GUCY1A2: variants seen among roughly 807,000 people sequenced by gnomAD.
GUCY1A2 encodes guanylate cyclase soluble subunit alpha-2.
GUCY1A2 carries 27 observed loss-of-function variants against 63.5 expected under a neutral mutation model. That is an observed-to-expected ratio of 0.43 (90% confidence interval 0.31 to 0.59). GUCY1A2 has a LOEUF of 0.59. GUCY1A2 is among the 20% of genes least tolerant of loss of function. GUCY1A2 has a pLI of 0.11. For synonymous variants in GUCY1A2, 364 were observed against 343.5 expected, an observed-to-expected ratio of 1.06 and a Z score of -0.66; for missense variants, 768 against 913.3, an observed-to-expected ratio of 0.84 and a Z score of 2.05.
At chr11:106,759,926 ACT>A (rs1374279451) in intron 6 of GUCY1A2, among the ~76,000 whole-genome samples, 1 of 152,140 alleles carries the variant, frequency 6.6e-6, no homozygotes, top group East Asian at 1.9e-4. Flanking sequence ...CAAGAGCGAA[ACT>A]CTGTCTCAAA....
chr11:106,931,663 A>T (rs954168553), intron 4 of GUCY1A2, among the ~76,000 whole-genome samples: 3 of 152,228 alleles, frequency 2.0e-5, no homozygotes, highest in Non-Finnish European at 2.9e-5. Flanking sequence ...AGGAAAAATT[A>T]ACAATCTGCT....
intron 4 of GUCY1A2, chr11:106,936,842 T>G (rs1860685265): frequency 1.9e-6 from 1 of 538,796 alleles, no homozygotes; most frequent in Non-Finnish European, 3.2e-6. Flanking sequence ...AATAGCATTT[T>G]CTTATAAAAG....
intron 6 of GUCY1A2, among the ~76,000 whole-genome samples, chr11:106,773,409 C>T (rs1356544326): frequency 6.6e-6 from 1 of 152,132 alleles, no homozygotes; most frequent in Non-Finnish European, 1.5e-5. Flanking sequence ...ATAAATATAA[C>T]ACAGTTTATC....
chr11:106,704,047 C>G (rs1175205731), intron 7 of GUCY1A2, among the ~76,000 whole-genome samples: 1 of 152,028 alleles, frequency 6.6e-6, no homozygotes, highest in Non-Finnish European at 1.5e-5. Context: ...AATAAAAACA[C>G]ATAGGAATAA....
chr11:106,840,137 A>G (rs1859176394), intron 4 of GUCY1A2, among the ~76,000 whole-genome samples: 1 of 151,978 alleles, frequency 6.6e-6, no homozygotes, highest in East Asian at 1.9e-4. Flanking sequence ...CCATCTATAC[A>G]TTCACCTAAG....
chr11:107,004,489 C>A (rs1861647661), intron 1 of GUCY1A2, among the ~76,000 whole-genome samples: 1 of 152,062 alleles, frequency 6.6e-6, no homozygotes, highest in African/African-American at 2.4e-5. Flanking sequence ...AGCCCTAAGG[C>A]TTCCTCTGAA....
intron 1 of GUCY1A2, among the ~76,000 whole-genome samples, chr11:106,998,948 T>A (rs1299590937): frequency 6.6e-6 from 1 of 152,110 alleles, no homozygotes; most frequent in African/African-American, 2.4e-5. Flanking sequence ...GCAAAGGAGA[T>A]CTCCAGATGG....
intron 1 of GUCY1A2, among the ~76,000 whole-genome samples, chr11:107,004,674 A>T (rs989330322): frequency 1.8e-4 from 28 of 152,306 alleles, no homozygotes; most frequent in African/African-American, 6.5e-4. Context: ...ATAATTTATG[A>T]TAGTGAAGCT....
At chr11:106,814,355 G>A (rs1487890) in intron 4 of GUCY1A2, among the ~76,000 whole-genome samples, 21,438 of 152,022 alleles carry the variant, frequency 0.14, 1,555 homozygotes, top group Middle Eastern at 0.19. Flanking sequence ...CTTCCAGAAG[G>A]GCCACTGCTC....
At chr11:106,928,347 C>G (rs1860556449) in intron 4 of GUCY1A2, among the ~76,000 whole-genome samples, 1 of 152,144 alleles carries the variant, frequency 6.6e-6, no homozygotes, top group Non-Finnish European at 1.5e-5. Flanking sequence ...CATCAGCCAA[C>G]AACAACTTCA....
intron 3 of GUCY1A2, among the ~76,000 whole-genome samples, chr11:106,947,144 G>A (rs887220288): frequency 4.6e-5 from 7 of 151,600 alleles, no homozygotes; most frequent in Non-Finnish European, 7.4e-5. Flanking sequence ...TTGAACCTGG[G>A]AGGCAGAGGT....
chr11:106,920,664 A>AC (rs1860430726), intron 4 of GUCY1A2, among the ~76,000 whole-genome samples: 1 of 152,168 alleles, frequency 6.6e-6, no homozygotes. Flanking sequence ...TACAAATGAC[A>AC]CTTAAATAGA....
intron 6 of GUCY1A2, among the ~76,000 whole-genome samples, chr11:106,759,901 T>C (rs1003239765): frequency 3.9e-5 from 6 of 152,150 alleles, no homozygotes; most frequent in African/African-American, 9.7e-5. Flanking sequence ...CGCCACAGCA[T>C]TCCAGCCTAG....
At chr11:106,961,386 A>G (rs980231866) in intron 3 of GUCY1A2, among the ~76,000 whole-genome samples, 3 of 152,182 alleles carry the variant, frequency 2.0e-5, no homozygotes, top group Non-Finnish European at 4.4e-5. Flanking sequence ...TAAAAGAGAT[A>G]TAAAACAAAG....
rs142074713 is a variant in GUCY1A2 at position 106,930,699 on chromosome 11, A to T, written c.1206+8761T>A. Among the ~76,000 whole-genome samples the T allele has an allele frequency of 2.1e-3, 315 of 152,362 alleles. 2 individuals carry two copies. Among genetic ancestry groups the T allele is most frequent in the Admixed American group, 0.017 (258 of 15,304 alleles). On this transcript the variant is annotated intron_variant, in intron 4 of 7. Transcript: ENST00000526355. Reference sequence around the variant, plus strand: ...ATTATACCAAATCTCAAAATCCTTGAAAAGTAAAACTGTAACAAAATAATA... The same window carrying T: ...ATTATACCAAATCTCAAAATCCTTGTAAAGTAAAACTGTAACAAAATAATA...
At chr11:106,868,130 C>A (rs1314567102) in intron 4 of GUCY1A2, among the ~76,000 whole-genome samples, 1 of 151,946 alleles carries the variant, frequency 6.6e-6, no homozygotes, top group Admixed American at 6.6e-5. Flanking sequence ...TACATAAACC[C>A]AGGTTAGGGA....
intron 4 of GUCY1A2, among the ~76,000 whole-genome samples, chr11:106,835,845 A>C (rs370423252): frequency 2.0e-5 from 3 of 152,060 alleles, no homozygotes; most frequent in East Asian, 3.9e-4. Context: ...GAATAACACA[A>C]AAGAAAATTC....
intron 6 of GUCY1A2, among the ~76,000 whole-genome samples, chr11:106,735,047 A>C (rs1392355537): frequency 6.6e-6 from 1 of 152,086 alleles, no homozygotes; most frequent in Non-Finnish European, 1.5e-5. Context: ...GGGGTACATA[A>C]GTATTTCGAT....
intron 1 of GUCY1A2, among the ~76,000 whole-genome samples, chr11:107,012,607 T>C (rs1217913630): frequency 6.6e-6 from 1 of 152,188 alleles, no homozygotes; most frequent in African/African-American, 2.4e-5. Flanking sequence ...AACCGAAATT[T>C]GTCAGACTCC....
Sources: gnomAD v4.1 joint callset for allele counts (sites outside exome capture counted in the v4.1 genomes callset) on GRCh38, gnomAD v4.1.1 for gene constraint, MANE v1.5 for transcripts, NCBI Gene and HGNC (gene_info 2026-07-23, HGNC 2026-07-21) for gene names.